Variants in CPSF4L observed in about 807,000 individuals in gnomAD.
CPSF4L encodes the protein cleavage and polyadenylation specific factor 4 like.
A neutral mutation model predicts 24.0 loss-of-function variants in CPSF4L; 18 were observed. The observed-to-expected ratio is 0.75, with a 90% CI of 0.52 to 1.11. CPSF4L has a LOEUF of 1.11. Ranked by LOEUF, CPSF4L falls within the 50% of genes least tolerant of loss-of-function variation. The probability of loss-of-function intolerance (pLI) is 0.00; values close to 1 mark genes in which losing one functional copy is unlikely to be tolerated. For missense variants in CPSF4L, 211 were observed against 221.8 expected, an observed-to-expected ratio of 0.95 and a Z score of 0.31; for synonymous variants, 72 against 77.2, an observed-to-expected ratio of 0.93 and a Z score of 0.35.
At chr17:73,251,225 CT>C in intron 5 of CPSF4L, 1 of 1,191,310 alleles carries the variant, frequency 8.4e-7, no homozygotes, top group Non-Finnish European at 1.1e-6. Context: ...TTCAAGATGC[CT>C]TTAGTTACAG....
Position 73,253,974 on chromosome 17 carries a change from C to A in CPSF4L, c.360G>T (p.Lys120Asn). 6.4e-7 allele frequency: 1 copy of A among 1,551,710 alleles called. No individual in the cohort carries two copies. The highest frequency in any genetic ancestry group is 8.7e-7 in the Non-Finnish European group (1 of 1,146,990). Residue 120 changes from lysine (K) to asparagine (N), a missense_variant, in exon 4 of 6, where the codon AAG (lysine) becomes AAT (asparagine). Coordinates refer to ENST00000344935, the MANE Select transcript of CPSF4L (RefSeq NM_001129885.1). ...CSFLHVKPAF[K>N]SQDCPWYDQG... is the part of the protein sequence containing the mutation. ...GGTCATACCAAGGACAGTCCTGGGA[C>A]TTGAAAGCTGGCTTCACATGGAGGA...
chr17:73,243,793 A>C (rs1004095414), downstream of CPSF4L, among the ~76,000 whole-genome samples: 1 of 152,062 alleles, frequency 6.6e-6, no homozygotes, highest in African/African-American at 2.4e-5. Flanking sequence ...TCGGCCTCCC[A>C]AAGTGCTGGA....
chr17:73,242,844 C>A, the CPSF4L span: 1 of 1,450,982 alleles, frequency 6.9e-7, no homozygotes, highest in Non-Finnish European at 9.6e-7. Flanking sequence ...CTCGCGGATA[C>A]TGGCCCTAGT....
intron 2 of CPSF4L, among the ~76,000 whole-genome samples, chr17:73,258,198 G>A (rs952843336): frequency 2.0e-5 from 3 of 152,076 alleles, no homozygotes; most frequent in Non-Finnish European, 4.4e-5. Context: ...TTTTAGTAGA[G>A]ACAGGGTTTC....
intron 2 of CPSF4L, among the ~76,000 whole-genome samples, chr17:73,258,391 C>T (rs2062031797): frequency 6.6e-6 from 1 of 152,100 alleles, no homozygotes; most frequent in South Asian, 2.1e-4. Flanking sequence ...CTGCAACCTC[C>T]ACCTCCCAGG....
chr17:73,258,285 C>G (rs1159049497), intron 2 of CPSF4L, among the ~76,000 whole-genome samples: 1 of 152,026 alleles, frequency 6.6e-6, no homozygotes, highest in African/African-American at 2.4e-5. Flanking sequence ...GCTGGGATTA[C>G]AGGCGTGAGC....
intron 2 of CPSF4L, among the ~76,000 whole-genome samples, chr17:73,259,454 T>C (rs1215737036): frequency 6.6e-6 from 1 of 152,222 alleles, no homozygotes; most frequent in African/African-American, 2.4e-5. Context: ...GTGCTGGAAT[T>C]ACAAGTGTGA....
At chr17:73,248,614 A>T in intron 5 of CPSF4L, 78 bp from the exon 6 acceptor site, 1 of 1,410,860 alleles carries the variant, frequency 7.1e-7, no homozygotes, top group Non-Finnish European at 9.8e-7. Context: ...CCCGCAGAAG[A>T]GGCATGGTGA....
chr17:73,251,313 C>A (rs977363726), intron 5 of CPSF4L, among the ~76,000 whole-genome samples: 1 of 152,160 alleles, frequency 6.6e-6, no homozygotes, highest in African/African-American at 2.4e-5. Flanking sequence ...CCCCGCAGTC[C>A]CACAGATCGC....
chr17:73,250,062 T>C, intron 5 of CPSF4L: 1 of 514,226 alleles, frequency 1.9e-6, no homozygotes, highest in East Asian at 3.3e-5. Flanking sequence ...CCTCCAAACC[T>C]GTTGTATTTT....
At chr17:73,247,100 C>A (rs1441065373), downstream of CPSF4L, 2 of 711,428 alleles carry the variant, frequency 2.8e-6, no homozygotes, top group East Asian at 5.5e-5. Flanking sequence ...TGTATGTAGT[C>A]AAAATGTACA....
intron 2 of CPSF4L, 61 bp from the exon 3 acceptor site, chr17:73,257,894 C>A: frequency 6.5e-7 from 1 of 1,529,592 alleles, no homozygotes; most frequent in Non-Finnish European, 8.8e-7. Context: ...CCCAGCTCAG[C>A]CCTCCAGGGG....
chr17:73,253,920 C>G lies in CPSF4L; in HGVS notation c.403+11G>C. 1 of 1,547,064 alleles carries G rather than the reference C, an allele frequency of 6.5e-7. No homozygotes were observed. Among genetic ancestry groups the G allele is most frequent in the Non-Finnish European group, 8.7e-7 (1 of 1,143,134 alleles). On this transcript the variant is annotated intron_variant, in intron 4 of 5. Coordinates refer to ENST00000344935, the MANE Select transcript of CPSF4L (RefSeq NM_001129885.1). The stretch of plus-strand genomic sequence containing the variant: ...ACAGCCCCTAGGGCTCCCTGGCTTC[C>G]AAGGCCTCACCGTCCTTGCAGAAAC...
chr17:73,262,367 G>A (rs2062050622), upstream of CPSF4L: 1 of 152,884 alleles, frequency 6.5e-6, no homozygotes, highest in Admixed American at 6.5e-5. Context: ...TCTGGCCTGA[G>A]TGACAAGCCC....
the CPSF4L span, chr17:73,242,196 G>A: frequency 1.3e-5 from 16 of 1,265,432 alleles, no homozygotes; most frequent in East Asian, 2.4e-4. Flanking sequence ...TTAGGGAAGG[G>A]GGTACGTTTC....
chr17:73,245,578 A>C (rs2145255002), downstream of CPSF4L: 1 of 985,446 alleles, frequency 1.0e-6, no homozygotes, highest in South Asian at 4.7e-5. Context: ...ATACCAGACT[A>C]CTACCTATAT....
chr17:73,250,268 T>A, intron 5 of CPSF4L: 1 of 1,550,774 alleles, frequency 6.4e-7, no homozygotes, highest in Non-Finnish European at 8.7e-7. Flanking sequence ...AGTTGAGTCT[T>A]ACTGTACTTA....
chr17:73,253,811 G>A, intron 4 of CPSF4L, 120 bp downstream of exon 4: 1 of 610,362 alleles, frequency 1.6e-6, no homozygotes, highest in Non-Finnish European at 2.9e-6. Context: ...ACTACAGAAA[G>A]GCCTTCTATT....
chr17:73,261,196 G>C (rs1362183746), intron 1 of CPSF4L, among the ~76,000 whole-genome samples: 1 of 152,202 alleles, frequency 6.6e-6, no homozygotes, highest in Non-Finnish European at 1.5e-5. Context: ...AGCTCGAGGG[G>C]CTCAAGCCTG....
Sources: allele counts gnomAD v4.1 joint callset (sites outside exome capture counted in the v4.1 genomes callset), GRCh38; gene constraint gnomAD v4.1.1; transcripts MANE v1.5; gene names NCBI Gene and HGNC (gene_info 2026-07-23, HGNC 2026-07-21).